HS6ST3: variants seen among roughly 807,000 people sequenced by gnomAD.
HS6ST3 encodes the protein heparan sulfate 6-O-sulfotransferase 3, also known as heparan-sulfate 6-O-sulfotransferase 3.
HS6ST3 carries 12 observed loss-of-function variants against 36.7 expected under a neutral mutation model. That is an observed-to-expected ratio of 0.33 (90% CI 0.21 to 0.53). HS6ST3 has a LOEUF of 0.53. Ranked by LOEUF, HS6ST3 falls within the 20% of genes least tolerant of loss-of-function variation. The probability of loss-of-function intolerance (pLI) is 0.95; values close to 1 mark genes in which losing one functional copy is unlikely to be tolerated. For missense variants in HS6ST3, 584 were observed against 640.9 expected (o/e 0.91, Z 0.96); for synonymous variants, 240 against 257.5 (o/e 0.93, Z 0.65).
intron 1 of HS6ST3, among the ~76,000 whole-genome samples, chr13:96,590,093 A>C (rs1161554526): frequency 6.6e-6 from 1 of 152,126 alleles, no homozygotes; most frequent in African/African-American, 2.4e-5. Flanking sequence ...GTTGATGGAC[A>C]CTTGGGTTGC....
intron 1 of HS6ST3, among the ~76,000 whole-genome samples, chr13:96,596,526 A>G (rs1452594121): frequency 3.9e-5 from 6 of 152,146 alleles, no homozygotes; most frequent in Non-Finnish European, 7.4e-5. Flanking sequence ...TAGTTCCTTG[A>G]GAAATCTTCA....
chr13:96,615,196 T>A (rs956923900), intron 1 of HS6ST3, among the ~76,000 whole-genome samples: 3 of 152,248 alleles, frequency 2.0e-5, no homozygotes, highest in Non-Finnish European at 4.4e-5. Flanking sequence ...ACATGCTTTG[T>A]AACTTACAAA....
chr13:96,266,647 C>T (rs2139386024), intron 1 of HS6ST3, among the ~76,000 whole-genome samples: 1 of 152,244 alleles, frequency 6.6e-6, no homozygotes, highest in South Asian at 2.1e-4. Context: ...ACTGTGGGTA[C>T]ATCCCTTGAA....
At chr13:96,815,745 T>A (rs1283833568) in intron 1 of HS6ST3, among the ~76,000 whole-genome samples, 1 of 152,206 alleles carries the variant, frequency 6.6e-6, no homozygotes, top group Non-Finnish European at 1.5e-5. Flanking sequence ...AACACCAACC[T>A]TTGCCTTCTG....
intron 1 of HS6ST3, among the ~76,000 whole-genome samples, chr13:96,455,698 C>CT (rs2055751529): frequency 6.6e-6 from 1 of 152,202 alleles, no homozygotes; most frequent in African/African-American, 2.4e-5. Flanking sequence ...ACATTTAGTA[C>CT]TTTGAGTACA....
At position 96,215,819 on chromosome 13, in the gene HS6ST3, TTTAC is replaced by T. The variant is rs2054423191; in HGVS notation, c.707+124254_707+124257del. Among the ~76,000 whole-genome samples, 3 of 152,310 alleles carry T rather than the reference TTTAC, an allele frequency of 2.0e-5. No individual in the cohort carries two copies. The South Asian group carries it at 6.2e-4, about 32-fold the overall frequency. Reference sequence around the variant, plus strand: ...TTCCTGGCTTTGTATAGTTGGACAATTTACTTAGCCCTTTCTAATGCTGCATTTT... The same window carrying T: ...TTCCTGGCTTTGTATAGTTGGACAATTTAGCCCTTTCTAATGCTGCATTTT... On this transcript the variant is annotated intron_variant, in intron 1 of 1. Transcript: ENST00000376705.
chr13:96,281,283 C>T (rs574625062), intron 1 of HS6ST3, among the ~76,000 whole-genome samples: 3 of 152,266 alleles, frequency 2.0e-5, no homozygotes, highest in Admixed American at 2.0e-4. Context: ...TGATTACAGG[C>T]GTGAGCCACC....
At chr13:96,327,049 T>A (rs61966922) in intron 1 of HS6ST3, among the ~76,000 whole-genome samples, 2 of 122,510 alleles carry the variant, frequency 1.6e-5, no homozygotes, top group Admixed American at 7.9e-5. Flanking sequence ...TTGTAAATTT[T>A]TTTGAGTTCA....
At chr13:96,241,330 A>G (rs913011359) in intron 1 of HS6ST3, among the ~76,000 whole-genome samples, 1 of 152,174 alleles carries the variant, frequency 6.6e-6, no homozygotes, top group African/African-American at 2.4e-5. Context: ...AAAATGTTCT[A>G]GGCACTTACA....
At chr13:96,613,667 C>G (rs748191315) in intron 1 of HS6ST3, among the ~76,000 whole-genome samples, 1 of 152,024 alleles carries the variant, frequency 6.6e-6, no homozygotes, top group Non-Finnish European at 1.5e-5. Context: ...TTTTTAAGTT[C>G]TCTGCATTTT....
intron 1 of HS6ST3, among the ~76,000 whole-genome samples, chr13:96,454,115 A>T (rs2055743137): frequency 6.6e-6 from 1 of 152,030 alleles, no homozygotes; most frequent in African/African-American, 2.4e-5. Flanking sequence ...CGCTGTCTTA[A>T]TATTGGCTTT....
intron 1 of HS6ST3, among the ~76,000 whole-genome samples, chr13:96,582,982 T>G (rs1238412420): frequency 6.6e-6 from 1 of 152,080 alleles, no homozygotes; most frequent in Non-Finnish European, 1.5e-5. Context: ...AAAATTTAAC[T>G]AGGATTCTAT....
chr13:96,250,745 C>T (rs189350372), intron 1 of HS6ST3, among the ~76,000 whole-genome samples: 1 of 152,154 alleles, frequency 6.6e-6, no homozygotes, highest in Non-Finnish European at 1.5e-5. Flanking sequence ...TGACTAGATA[C>T]CGGCAGTACG....
intron 1 of HS6ST3, among the ~76,000 whole-genome samples, chr13:96,468,404 A>G (rs2055824442): frequency 6.6e-6 from 1 of 151,934 alleles, no homozygotes; most frequent in Admixed American, 6.6e-5. Flanking sequence ...TTATTTGGTT[A>G]TATGATGATT....
Position 96,283,914 on chromosome 13 carries a change from G to A in HS6ST3, c.707+192345G>A, listed in dbSNP as rs1263554509. Among the ~76,000 whole-genome samples the A allele has an allele frequency of 3.9e-5, 6 of 152,258 alleles. No individual in the cohort carries two copies. In the East Asian group the frequency reaches 5.8e-4, roughly 15 times the overall value. ...TTGCGGGTCACCCTTTGACTAGCAA[G>A]GTTATAGAGGGTACAGATGGTTCAC... On this transcript the variant is annotated intron_variant, in intron 1 of 1. Coordinates refer to ENST00000376705, the MANE Select transcript of HS6ST3 (RefSeq NM_153456.4).
At chr13:96,571,888 G>T (rs1056433333) in intron 1 of HS6ST3, among the ~76,000 whole-genome samples, 2 of 152,194 alleles carry the variant, frequency 1.3e-5, no homozygotes, top group African/African-American at 4.8e-5. Context: ...GAAATCCCGA[G>T]TTCCTGAAAT....
chr13:96,248,887 A>G (rs916728318), intron 1 of HS6ST3, among the ~76,000 whole-genome samples: 10 of 152,210 alleles, frequency 6.6e-5, no homozygotes, highest in Non-Finnish European at 1.3e-4. Context: ...AAGTTATCTC[A>G]AAATCTTGTG....
chr13:96,655,568 AT>A (rs954311369), intron 1 of HS6ST3, among the ~76,000 whole-genome samples: 2 of 152,082 alleles, frequency 1.3e-5, no homozygotes, highest in African/African-American at 2.4e-5. Context: ...TATTTATAAG[AT>A]TTTTTTGAAG....
intron 1 of HS6ST3, among the ~76,000 whole-genome samples, chr13:96,803,516 G>A (rs1331300951): frequency 1.3e-5 from 2 of 152,180 alleles, no homozygotes; most frequent in African/African-American, 4.8e-5. Flanking sequence ...CAGAGGGGCA[G>A]GTGAGAATGA....
Sources: gnomAD v4.1 joint callset for allele counts (sites outside exome capture counted in the v4.1 genomes callset) on GRCh38, gnomAD v4.1.1 for gene constraint, MANE v1.5 for transcripts, NCBI Gene and HGNC (gene_info 2026-07-23, HGNC 2026-07-21) for gene names.